SRGAP3: variants seen among roughly 807,000 people sequenced by gnomAD.
The protein encoded by SRGAP3 is SLIT-ROBO Rho GTPase-activating protein 3.
In SRGAP3, 39 loss-of-function variants were observed where a neutral mutation model predicts 121.1. The ratio of observed to expected loss-of-function variants is 0.32; its 90% CI spans 0.25 to 0.42. The LOEUF is 0.42. Ranked by LOEUF, SRGAP3 falls within the 10% of genes least tolerant of loss-of-function variation. The pLI is 1.00. For synonymous variants in SRGAP3, 601 were observed against 570.0 expected (o/e 1.05, Z -0.77); for missense variants, 1,213 against 1,470.6 (o/e 0.82, Z 2.86).
In SRGAP3 at chr3:8,985,362, G is replaced by C. The variant is rs1437975123; in HGVS notation, c.*157C>G. Reference sequence around the variant, plus strand: ...TTCCCATGGCTGGACGTGAGCTGCAGCCAGCGCCCGGGCCTCAGCTCTGCA... The same window carrying C: ...TTCCCATGGCTGGACGTGAGCTGCACCCAGCGCCCGGGCCTCAGCTCTGCA... On this transcript the variant is annotated 3_prime_UTR_variant, in exon 22 of 22. Coordinates refer to ENST00000383836, the MANE Select transcript of SRGAP3 (RefSeq NM_014850.4). This position sits in a 1 kb window ranked among gnomAD's most constrained non-coding sequence, Gnocchi z 5.1. 2.8e-6 allele frequency: 4 copies of C among 1,410,636 alleles called. No individual in the cohort carries two copies. The highest frequency in any genetic ancestry group is 5.7e-5 in the Admixed American group (2 of 35,156). The allele number at this position is 1,410,636 out of a possible 1,614,324, so 87.4% of individuals were successfully genotyped here.
intron 1 of SRGAP3, among the ~76,000 whole-genome samples, chr3:9,231,225 A>C (rs535274274): frequency 6.6e-6 from 1 of 152,190 alleles, no homozygotes; most frequent in Admixed American, 6.5e-5. Flanking sequence ...TCTGACAAAC[A>C]ATAGTGTAAC....
At chr3:9,084,197 C>T (rs1228509733) in intron 3 of SRGAP3, among the ~76,000 whole-genome samples, 2 of 152,126 alleles carry the variant, frequency 1.3e-5, no homozygotes, top group Non-Finnish European at 2.9e-5. Context: ...CCCCACCTCC[C>T]AATATCCATT....
Position 9,286,113 on chromosome 3 carries a change from A to AACACACACAC in SRGAP3, n.442+39887_442+39896dup, listed in dbSNP as rs34023408. Among the ~76,000 whole-genome samples, 716 of 135,060 alleles carry AACACACACAC rather than the reference A, an allele frequency of 5.3e-3. 8 individuals are homozygous for AACACACACAC. The highest frequency in any genetic ancestry group is 7.9e-3 in the Non-Finnish European group (498 of 62,924). The allele number at this position is 135,060 out of a possible 152,430, so 88.6% of individuals were successfully genotyped here. On this transcript the variant is annotated intron_variant and non_coding_transcript_variant, in intron 3 of 3. Coordinates refer to the SRGAP3 transcript ENST00000490889. ...GGTGACAAAGCGAGACCCTATCTCA[A>AACACACACAC]ACACACACACACACACACACACACA...
intron 1 of SRGAP3, among the ~76,000 whole-genome samples, chr3:9,229,893 T>C (rs1175162017): frequency 6.6e-6 from 1 of 152,240 alleles, no homozygotes; most frequent in Admixed American, 6.5e-5. Context: ...GCTGTTTCTC[T>C]GAATGGTAAC....
chr3:9,335,414 A>G (rs1307575435), intron 1 of SRGAP3, among the ~76,000 whole-genome samples: 2 of 152,244 alleles, frequency 1.3e-5, no homozygotes, highest in African/African-American at 2.4e-5. Flanking sequence ...TCTACAAAAC[A>G]TATCTATGGA....
Position 9,053,180 on chromosome 3 carries a change from C to G in SRGAP3, c.1170G>C (p.Met390Ile). Residue 390 changes from methionine to isoleucine, a missense_variant, in exon 9 of 22, where the codon ATG becomes ATC. Physicochemically the swap from Met to Ile is conservative, Grantham distance 10. Around this residue, in one of 2 missense-constraint regions of SRGAP3, gnomAD observed 793 missense variants for 1,032.9 expected, o/e 0.77. Coordinates refer to ENST00000383836, the MANE Select transcript of SRGAP3 (RefSeq NM_014850.4). The stretch of plus-strand genomic sequence containing the variant: ...AGACATCAAAGTCCTCCACAGTCAG[C>G]ATGTCCTGTAATGTCTGCATGGTGG... ...LDATMQTLQD[M>I]LTVEDFDVSD... The G allele has an allele frequency of 6.2e-7, 1 of 1,614,164 alleles. No homozygotes were observed. Among genetic ancestry groups the G allele is most frequent in the Non-Finnish European group, 8.5e-7 (1 of 1,180,022 alleles).
At chr3:9,081,349 C>T (rs995225399) in intron 3 of SRGAP3, 3 of 452,300 alleles carry the variant, frequency 6.6e-6, no homozygotes, top group Non-Finnish European at 1.3e-5. Flanking sequence ...AGAAAGGCCT[C>T]TGGGGCACAA....
intron 10 of SRGAP3, among the ~76,000 whole-genome samples, chr3:9,043,345 T>G (rs1040729599): frequency 5.9e-5 from 9 of 152,112 alleles, no homozygotes; most frequent in Non-Finnish European, 1.3e-4. Context: ...TAGTAGTTTG[T>G]TTACCGTTTG....
chr3:9,339,972 A>G (rs1027193915), intron 1 of SRGAP3, among the ~76,000 whole-genome samples: 10 of 152,012 alleles, frequency 6.6e-5, no homozygotes, highest in Non-Finnish European at 1.5e-4. Context: ...GAAAAATCTC[A>G]CCATGGGTCA....
At chr3:8,994,073 G>A in intron 19 of SRGAP3, 1 of 489,938 alleles carries the variant, frequency 2.0e-6, no homozygotes, top group Non-Finnish European at 3.7e-6. Flanking sequence ...GTGGGTGATG[G>A]CACTCCCTGG....
intron 1 of SRGAP3, among the ~76,000 whole-genome samples, chr3:9,236,538 G>A (rs764473611): frequency 3.3e-5 from 5 of 152,048 alleles, no homozygotes; most frequent in Non-Finnish European, 5.9e-5. Context: ...GATGGTGAGT[G>A]AGTTCTCAGG....
intron 3 of SRGAP3, among the ~76,000 whole-genome samples, chr3:9,294,534 A>AAAAC (rs774500073): frequency 2.1e-5 from 2 of 97,342 alleles, no homozygotes; most frequent in African/African-American, 3.3e-5. Context: ...TAAAAGTAAA[A>AAAAC]AAACAAACAA....
At chr3:9,322,738 C>T (rs953629891) in intron 3 of SRGAP3, among the ~76,000 whole-genome samples, 12 of 151,668 alleles carry the variant, frequency 7.9e-5, no homozygotes, top group Admixed American at 5.2e-4. Context: ...TTCCACAAAA[C>T]GAGTCCCTGG....
intron 1 of SRGAP3, among the ~76,000 whole-genome samples, chr3:9,146,774 C>G (rs1950037918): frequency 6.6e-6 from 1 of 152,178 alleles, no homozygotes; most frequent in Non-Finnish European, 1.5e-5. Context: ...GCGGGAACCC[C>G]ACAAGGTACA....
intron 1 of SRGAP3, among the ~76,000 whole-genome samples, chr3:9,236,552 T>C (rs569295834): frequency 1.1e-3 from 167 of 152,134 alleles, no homozygotes; most frequent in Non-Finnish European, 1.9e-3. Context: ...TCTCAGGAGA[T>C]CTGGTTGTTT....
intron 3 of SRGAP3, among the ~76,000 whole-genome samples, chr3:9,097,891 C>T (rs1294014221): frequency 1.3e-5 from 2 of 152,190 alleles, no homozygotes; most frequent in Admixed American, 1.3e-4. Flanking sequence ...ATCCTTAAGA[C>T]TGCACCACAG....
intron 1 of SRGAP3, among the ~76,000 whole-genome samples, chr3:9,180,207 A>C (rs952151571): frequency 6.6e-6 from 1 of 152,200 alleles, no homozygotes; most frequent in African/African-American, 2.4e-5. Context: ...TGCAGGGAAC[A>C]AGATTGAGGA....
At chr3:9,030,029 A>G (rs62244635) in intron 12 of SRGAP3, among the ~76,000 whole-genome samples, 1,821 of 152,126 alleles carry the variant, frequency 0.012, 20 homozygotes, top group Non-Finnish European at 0.019. Context: ...GTGCATGCGT[A>G]TAGCCCCAGC....
At chr3:9,032,209 C>T (rs1214586697) in intron 12 of SRGAP3, among the ~76,000 whole-genome samples, 1 of 152,170 alleles carries the variant, frequency 6.6e-6, no homozygotes, top group Non-Finnish European at 1.5e-5. Flanking sequence ...AAAAAATTCA[C>T]GTGTATAAAA....
Sources: allele counts gnomAD v4.1 joint callset (sites outside exome capture counted in the v4.1 genomes callset), GRCh38; gene constraint gnomAD v4.1.1; regional missense constraint gnomAD v4.1.1; non-coding constraint Gnocchi (gnomAD v3.1); transcripts MANE v1.5; gene names NCBI Gene and HGNC (gene_info 2026-07-23, HGNC 2026-07-21).